CIDEA: variants seen among roughly 807,000 people sequenced by gnomAD.
The protein encoded by CIDEA is cell death inducing DFFA like effector a, also known as lipid transferase CIDEA.
In CIDEA, 10 loss-of-function variants were observed where a neutral mutation model predicts 18.2. The observed-to-expected ratio is 0.55, with a 90% CI of 0.34 to 0.93. CIDEA has a LOEUF of 0.93. Among genes scored for constraint, CIDEA ranks in the 40% least tolerant of loss-of-function variants. The pLI is 0.02. For synonymous variants in CIDEA, 128 were observed against 124.8 expected (o/e 1.03, Z -0.17); for missense variants, 309 against 293.1 (o/e 1.05, Z -0.40).
intron 1 of CIDEA, among the ~76,000 whole-genome samples, chr18:12,261,667 G>C (rs574008939): frequency 4.3e-4 from 66 of 151,912 alleles, no homozygotes; most frequent in Non-Finnish European, 4.7e-4. Context: ...AGGTTCATCC[G>C]GGCTCAAGCA....
At chr18:12,267,125 GC>G (rs945362261) in intron 3 of CIDEA, among the ~76,000 whole-genome samples, 1 of 152,160 alleles carries the variant, frequency 6.6e-6, no homozygotes, top group Admixed American at 6.5e-5. Context: ...ACTTAATGCA[GC>G]AATTTGCTTC....
intron 1 of CIDEA, among the ~76,000 whole-genome samples, chr18:12,261,361 T>C (rs987721233): frequency 6.6e-6 from 1 of 152,060 alleles, no homozygotes; most frequent in Non-Finnish European, 1.5e-5. Flanking sequence ...AGAGCGAGAC[T>C]CCATCTCAAA....
intron 4 of CIDEA, 62 bp from the exon 5 acceptor site, chr18:12,277,061 C>G: frequency 1.3e-6 from 2 of 1,588,502 alleles, no homozygotes; most frequent in Non-Finnish European, 1.7e-6. Context: ...TATTCCCATC[C>G]TGTCTGTTTC....
At chr18:12,256,245 C>G (rs1329902821) in intron 1 of CIDEA, among the ~76,000 whole-genome samples, 2 of 152,234 alleles carry the variant, frequency 1.3e-5, no homozygotes, top group East Asian at 3.8e-4. Flanking sequence ...AACATATTTG[C>G]TAATTGTGCT....
chr18:12,269,804 C>A (rs1363337216), intron 3 of CIDEA, among the ~76,000 whole-genome samples: 4 of 152,100 alleles, frequency 2.6e-5, no homozygotes, highest in African/African-American at 9.7e-5. Flanking sequence ...CTCAAGGGAT[C>A]CTGCCACCTC....
At position 12,255,332 on chromosome 18, in the gene CIDEA, G is replaced by A. The variant is rs567968260; in HGVS notation, c.38+911G>A. ...CTGTGTGTGCTACGTGTGGCGGGCAGAGAGACTACATGTGTGAAAGGGAGC... is the reference window on the plus strand; with the variant it reads ...CTGTGTGTGCTACGTGTGGCGGGCAAAGAGACTACATGTGTGAAAGGGAGC... On this transcript the variant is annotated intron_variant, in intron 1 of 4. Transcript: ENST00000320477. Among the ~76,000 whole-genome samples the A allele has an allele frequency of 2.6e-5, 4 of 152,356 alleles. No homozygotes were observed. In the South Asian group the frequency reaches 8.3e-4, roughly 32 times the overall value.
chr18:12,263,189 G>T (rs529238471), intron 2 of CIDEA, among the ~76,000 whole-genome samples: 1 of 152,282 alleles, frequency 6.6e-6, no homozygotes, highest in South Asian at 2.1e-4. Context: ...ATGTGGCCCA[G>T]GCTGGCCTCA....
chr18:12,269,690 C>T (rs750543748), intron 3 of CIDEA, among the ~76,000 whole-genome samples: 1 of 152,116 alleles, frequency 6.6e-6, no homozygotes, highest in Non-Finnish European at 1.5e-5. Context: ...TTTATTATGG[C>T]CTTTCTTTCT....
chr18:12,273,717 C>A (rs4797664), intron 3 of CIDEA, among the ~76,000 whole-genome samples: 68,441 of 152,132 alleles, frequency 0.45, 16,209 homozygotes, highest in African/African-American at 0.6. Context: ...AACTGTGTTA[C>A]AGTGATGAGA....
intron 3 of CIDEA, among the ~76,000 whole-genome samples, chr18:12,265,427 A>T (rs1033180614): frequency 1.3e-5 from 2 of 152,228 alleles, no homozygotes; most frequent in Admixed American, 1.3e-4. Flanking sequence ...GACCTCAGGG[A>T]CAGATGCTGG....
chr18:12,259,697 C>T (rs1391351324), intron 1 of CIDEA, among the ~76,000 whole-genome samples: 2 of 152,078 alleles, frequency 1.3e-5, no homozygotes, highest in African/African-American at 4.8e-5. Context: ...CTTTTCTTTA[C>T]TAAAAATACA....
At chr18:12,260,386 A>C (rs2144062277) in intron 1 of CIDEA, among the ~76,000 whole-genome samples, 1 of 151,524 alleles carries the variant, frequency 6.6e-6, no homozygotes, top group African/African-American at 2.4e-5. Flanking sequence ...GGGTCTCACT[A>C]TGTTGCCCAG....
Position 12,256,140 on chromosome 18 carries a change from A to G in CIDEA, c.38+1719A>G, listed in dbSNP as rs540176967. On this transcript the variant is annotated intron_variant, in intron 1 of 4. Coordinates refer to ENST00000320477, the MANE Select transcript of CIDEA (RefSeq NM_001279.4). ...CCTGTTACCAAACTAAACTGGAAGA[A>G]AACAATCTGTAATTCTTGTTGAAGG... is the stretch of plus-strand genomic sequence containing the variant. Among the ~76,000 whole-genome samples, 5 of 152,300 alleles carry G rather than the reference A, an allele frequency of 3.3e-5. No homozygotes were observed. In the South Asian group the frequency reaches 1.0e-3, roughly 32 times the overall value.
intron 3 of CIDEA, among the ~76,000 whole-genome samples, chr18:12,266,818 T>C (rs1309401510): frequency 6.6e-6 from 1 of 151,254 alleles, no homozygotes; most frequent in Non-Finnish European, 1.5e-5. Flanking sequence ...TTGAGTGCAG[T>C]GGTGTGATCT....
At position 12,277,231 on chromosome 18, in the gene CIDEA, C is replaced by T. The variant is rs780008278; in HGVS notation, c.621C>T (p.Ser207=). The change falls in exon 5 of 5, where the codon TCC becomes TCT. Residue 207 remains serine (S), a synonymous_variant. Coordinates refer to ENST00000320477, the MANE Select transcript of CIDEA (RefSeq NM_001279.4). ...TGGATGACAAGGAAGAGCGGCCATC[C>T]CTCCGGTCACAAGCCAAGGGCAGGT... ...RVLDDKEERP[S]LRSQAKGRFT... 1.2e-6 allele frequency: 2 copies of T among 1,614,128 alleles called. No homozygotes were observed. Among genetic ancestry groups the T allele is most frequent in the South Asian group, 1.1e-5 (1 of 91,076 alleles).
At chr18:12,255,482 G>T (rs891214881) in intron 1 of CIDEA, among the ~76,000 whole-genome samples, 7 of 152,178 alleles carry the variant, frequency 4.6e-5, no homozygotes, top group Admixed American at 4.6e-4. Context: ...AAGTCGGGGC[G>T]GTGGCAGGGG....
At chr18:12,271,267 G>C (rs547072156) in intron 3 of CIDEA, among the ~76,000 whole-genome samples, 1 of 152,154 alleles carries the variant, frequency 6.6e-6, no homozygotes, top group African/African-American at 2.4e-5. Context: ...GCGGGGTTGG[G>C]GTGGGGTTTG....
chr18:12,256,097 G>C (rs1260161988), intron 1 of CIDEA, among the ~76,000 whole-genome samples: 2 of 152,102 alleles, frequency 1.3e-5, no homozygotes, highest in African/African-American at 2.4e-5. Context: ...CTGGACTACT[G>C]TCATTCTGTG....
chr18:12,262,791 T>A, intron 1 of CIDEA, 34 bp from the exon 2 acceptor site: 1 of 1,591,986 alleles, frequency 6.3e-7, no homozygotes, highest in Non-Finnish European at 8.6e-7. Flanking sequence ...ACAGACTCTT[T>A]TTAAAAAGTT....
Sources: allele counts gnomAD v4.1 joint callset (sites outside exome capture counted in the v4.1 genomes callset), GRCh38; gene constraint gnomAD v4.1.1; transcripts MANE v1.5; gene names NCBI Gene and HGNC (gene_info 2026-07-23, HGNC 2026-07-21).